Variants in RHOU observed in about 807,000 individuals in gnomAD.
RHOU encodes rho-related GTP-binding protein RhoU.
Under a neutral mutation model 12.6 loss-of-function variants are expected in RHOU, and 8 were observed. That is an observed-to-expected ratio of 0.64 (90% CI 0.37 to 1.15). The LOEUF (loss-of-function observed/expected upper bound fraction) is 1.15, where lower values mean the gene tolerates loss of function less well. Ranked by LOEUF, RHOU falls within the 50% of genes most tolerant of loss-of-function variation. The pLI is 0.01. For synonymous variants in RHOU, 161 were observed against 147.4 expected (o/e 1.09, Z -0.67); for missense variants, 258 against 347.0 (o/e 0.74, Z 2.04).
At chr1:228,672,706 C>T in the RHOU span, among the ~76,000 whole-genome samples, 2 of 152,146 alleles carry the variant, frequency 1.3e-5, no homozygotes, top group African/African-American at 4.8e-5. Flanking sequence ...TTTCATAAAT[C>T]ACCTTTGCCA....
chr1:228,723,105 A>G, the RHOU span, among the ~76,000 whole-genome samples: 1 of 152,178 alleles, frequency 6.6e-6, no homozygotes, highest in African/African-American at 2.4e-5. Context: ...CCTGAGTTAG[A>G]TGATGCTACT....
chr1:228,663,908 C>T, the RHOU span, among the ~76,000 whole-genome samples: 1 of 151,456 alleles, frequency 6.6e-6, no homozygotes, highest in East Asian at 2.0e-4. Flanking sequence ...GCTGGGATTA[C>T]AGGCGCGAGC....
the RHOU span, among the ~76,000 whole-genome samples, chr1:228,646,794 G>C: frequency 6.6e-6 from 1 of 151,960 alleles, no homozygotes; most frequent in East Asian, 2.0e-4. Flanking sequence ...GCACGGGTGC[G>C]CAGACGCACG....
the RHOU span, among the ~76,000 whole-genome samples, chr1:228,705,975 G>C: frequency 3.0e-4 from 46 of 152,278 alleles, no homozygotes; most frequent in Admixed American, 2.0e-3. Context: ...AACCCAGGAG[G>C]CGGAGGTTGC....
chr1:228,710,890 A>T, the RHOU span, among the ~76,000 whole-genome samples: 1,282 of 152,174 alleles, frequency 8.4e-3, 11 homozygotes, highest in African/African-American at 0.029. Flanking sequence ...TGCAGACGAC[A>T]TGATTGTATA....
chr1:228,703,230 A>C, the RHOU span, among the ~76,000 whole-genome samples: 1 of 152,214 alleles, frequency 6.6e-6, no homozygotes, highest in African/African-American at 2.4e-5. Flanking sequence ...AATTTCTCCT[A>C]TAAAAGTGTT....
intron 2 of RHOU, among the ~76,000 whole-genome samples, chr1:228,741,518 C>T (rs901263949): frequency 2.4e-4 from 37 of 152,116 alleles, no homozygotes; most frequent in African/African-American, 8.7e-4. Context: ...ATACTGGTCT[C>T]AGTTTTATGC....
At chr1:228,709,984 A>G in the RHOU span, among the ~76,000 whole-genome samples, 3 of 152,232 alleles carry the variant, frequency 2.0e-5, no homozygotes, top group African/African-American at 4.8e-5. Context: ...GGATATCACC[A>G]CCAATTCCAC....
At chr1:228,687,189 C>G in the RHOU span, among the ~76,000 whole-genome samples, 3 of 152,170 alleles carry the variant, frequency 2.0e-5, no homozygotes, top group African/African-American at 7.2e-5. Context: ...CTCCACTGAC[C>G]GGCACTGCCT....
chr1:228,674,792 G>A, the RHOU span, among the ~76,000 whole-genome samples: 2 of 151,610 alleles, frequency 1.3e-5, no homozygotes, highest in Admixed American at 6.6e-5. Context: ...GTGCAGTGGC[G>A]CGACCTCGGC....
At chr1:228,699,694 T>TTTTTTTTTTTTTTTTTTTTTTTTTGAG in the RHOU span, among the ~76,000 whole-genome samples, 2 of 151,776 alleles carry the variant, frequency 1.3e-5, no homozygotes, top group African/African-American at 4.9e-5. Context: ...GTGACTTATT[T>TTTTTTTTTTTTTTTTTTTTTTTTTGAG]AACTGTTTTA....
At chr1:228,720,899 AAATATT>A in the RHOU span, among the ~76,000 whole-genome samples, 1 of 152,156 alleles carries the variant, frequency 6.6e-6, no homozygotes, top group Non-Finnish European at 1.5e-5. Context: ...GGGAAATAAT[AAATATT>A]AACCAGCGCT....
chr1:228,732,951 A>G (rs1662524063), upstream of RHOU, among the ~76,000 whole-genome samples: 1 of 152,250 alleles, frequency 6.6e-6, no homozygotes, highest in Non-Finnish European at 1.5e-5. Flanking sequence ...AACAAAATAC[A>G]TAAGACATGA....
the RHOU span, among the ~76,000 whole-genome samples, chr1:228,695,833 A>T: frequency 1.3e-5 from 2 of 152,142 alleles, no homozygotes. Flanking sequence ...TTGGCCAATG[A>T]TGACCAACTC....
the RHOU span, among the ~76,000 whole-genome samples, chr1:228,696,651 G>A: frequency 2.6e-5 from 4 of 152,174 alleles, no homozygotes; most frequent in East Asian, 1.9e-4. Context: ...GGGCTCAAGC[G>A]TTCCTCCCAT....
chr1:228,735,847 G>A lies in RHOU; in HGVS notation c.105G>A (p.Glu35=). 7 of 1,317,726 alleles carry A rather than the reference G, an allele frequency of 5.3e-6. No homozygotes were observed. Among genetic ancestry groups the A allele is most frequent in the Non-Finnish European group, 6.8e-6 (7 of 1,036,270 alleles). The allele number at this position is 1,317,726 out of a possible 1,614,324, so 81.6% of individuals were successfully genotyped here. Residue 35 remains glutamate, a synonymous_variant, in exon 1 of 3, where the codon GAG becomes GAA. Transcript: ENST00000366691. This position sits in a 1 kb window ranked among gnomAD's most constrained non-coding sequence, Gnocchi z 8.1. ...RGGRGGRGPG[E]PGGRGRAGGA... ...GACGCGGGGGACGCGGGCCTGGGGA[G>A]CCGGGGGGCCGGGGGCGTGCGGGGG...
chr1:228,698,722 A>G, the RHOU span, among the ~76,000 whole-genome samples: 7 of 152,194 alleles, frequency 4.6e-5, no homozygotes, highest in Admixed American at 4.6e-4. Context: ...GAGTGGACCA[A>G]TGTTTTGTTT....
rs1662661524 is a variant in RHOU at position 228,738,620 on chromosome 1, C to T, written c.321+889C>T. ...TATGAAGGCACTGGCTTTCCACTGC[C>T]CCCCAGAGCCTCATCTACGCCAGAG... On this transcript the variant is annotated intron_variant, in intron 2 of 2. Transcript: ENST00000366691. The surrounding 1 kb of genome is among the most constrained non-coding windows in gnomAD (Gnocchi z 4.2). Among the ~76,000 whole-genome samples the T allele has an allele frequency of 6.6e-6, 1 of 152,160 alleles. No homozygotes were observed. The highest frequency in any genetic ancestry group is 2.4e-5 in the African/African-American group (1 of 41,440).
At chr1:228,707,322 T>C in the RHOU span, among the ~76,000 whole-genome samples, 1 of 136,140 alleles carries the variant, frequency 7.3e-6, no homozygotes, top group African/African-American at 2.8e-5. Flanking sequence ...CAAAGCAGAA[T>C]GGTCTCGCAA....
Sources: gnomAD v4.1 joint callset for allele counts (sites outside exome capture counted in the v4.1 genomes callset) on GRCh38, gnomAD v4.1.1 for gene constraint, Gnocchi (gnomAD v3.1) non-coding constraint, MANE v1.5 for transcripts, NCBI Gene and HGNC (gene_info 2026-07-23, HGNC 2026-07-21) for gene names.